ABHD8: variants seen among roughly 807,000 people sequenced by gnomAD.
The protein encoded by ABHD8 is protein ABHD8.
ABHD8 carries 10 observed loss-of-function variants against 29.3 expected under a neutral mutation model. The ratio of observed to expected loss-of-function variants is 0.34; its 90% CI spans 0.21 to 0.58. ABHD8 has a LOEUF of 0.58. Among genes scored for constraint, ABHD8 ranks in the 20% least tolerant of loss-of-function variants. The probability of loss-of-function intolerance (pLI) is 0.85; values close to 1 mark genes in which losing one functional copy is unlikely to be tolerated. For missense variants in ABHD8, 556 were observed against 615.3 expected (o/e 0.90, Z 1.02); for synonymous variants, 282 against 274.6 (o/e 1.03, Z -0.27).
chr19:17,292,471 A>C lies in ABHD8; in HGVS notation c.*190T>G. 1.6e-6 allele frequency: 1 copy of C among 637,430 alleles called. No individual in the cohort carries two copies. Among genetic ancestry groups the C allele is most frequent in the Non-Finnish European group, 2.5e-6 (1 of 405,320 alleles). 39.5% of individuals were successfully genotyped at this position (637,430 alleles called of 1,614,324 possible). A position where few individuals can be genotyped will look rare whatever the true frequency, so the allele number is the denominator to read the frequency against. On this transcript the variant is annotated 3_prime_UTR_variant, in exon 5 of 5. Transcript: ENST00000247706. ...TGGGCCCCGCGGGACGGAAGCGGAG[A>C]GCGGAATGTCCGCTGGGCTCCCTCG...
rs1487399795 is a variant in ABHD8, at chr19:17,300,851, C to T, written c.761+5G>A. 6 of 1,580,400 alleles carry T rather than the reference C, an allele frequency of 3.8e-6. No individual in the cohort carries two copies. In the Admixed American group the frequency reaches 7.0e-5, roughly 18 times the overall value. On this transcript the variant is annotated splice_donor_5th_base_variant and intron_variant, in intron 2 of 4. Transcript: ENST00000247706. ...CCCCCACCCCACATGCCAGGGTTCA[C>T]TTACCCGTAGGAATGGCCAATGAGC...
rs1226853346 is a variant in ABHD8 at position 17,301,636 on chromosome 19, G to C, written c.-8-12C>G. 5.3e-6 allele frequency: 8 copies of C among 1,521,864 alleles called. No homozygotes were observed. In the African/African-American group the frequency reaches 1.1e-4, roughly 21 times the overall value. The allele number at this position is 1,521,864 out of a possible 1,614,324, so 94.3% of individuals were successfully genotyped here. The stretch of plus-strand genomic sequence containing the variant: ...CAGCATGGTGTGTCCTGTGAGTGAG[G>C]ACAGCAGCCAGTTCAGGTGCTGTCT... On this transcript the variant is annotated splice_polypyrimidine_tract_variant and intron_variant, in intron 1 of 4. Transcript: ENST00000247706.
chr19:17,292,941 C>T, intron 4 of ABHD8, 110 bp from the exon 5 acceptor site: 2 of 1,237,718 alleles, frequency 1.6e-6, no homozygotes, highest in Admixed American at 2.6e-5. Context: ...AAAAGTCCCT[C>T]CTCCCATCTA....
intron 2 of ABHD8, among the ~76,000 whole-genome samples, chr19:17,300,192 C>A (rs557436058): frequency 3.3e-5 from 5 of 152,028 alleles, no homozygotes; most frequent in Non-Finnish European, 7.4e-5. Flanking sequence ...GCGTGAGCCA[C>A]CGCGCCCGGA....
chr19:17,294,839 A>G lies in ABHD8; in HGVS notation c.768T>C (p.Ser256=). ...ACTCATGTGCCAGGAATGTGCAGAA[A>G]GAGACACTGCCCGGAACGGGTGGGG... ...NVLIGHSYGV[S]FCTFLAHEYP... The change falls in exon 3 of 5, where the codon TCT becomes TCC. Residue 256 remains serine, a synonymous_variant. Coordinates refer to ENST00000247706, the MANE Select transcript of ABHD8 (RefSeq NM_024527.5). 1 of 1,613,898 alleles carries G rather than the reference A, an allele frequency of 6.2e-7. No individual in the cohort carries two copies. The highest frequency in any genetic ancestry group is 1.1e-5 in the South Asian group (1 of 91,080).
At chr19:17,294,532 C>T (rs1447342872) in intron 3 of ABHD8, 28 bp from the exon 4 acceptor site, 1 of 1,612,926 alleles carries the variant, frequency 6.2e-7, no homozygotes, top group Non-Finnish European at 8.5e-7. Flanking sequence ...ACCGCTAGAG[C>T]CCCTTATGCC....
At chr19:17,294,234 C>T (rs890653118) in intron 4 of ABHD8, 54 bp downstream of exon 4, 2 of 1,568,534 alleles carry the variant, frequency 1.3e-6, no homozygotes, top group African/African-American at 2.7e-5. Context: ...CACGCCCCTC[C>T]CGGGCAGCAC....
chr19:17,297,526 C>T (rs1332402901), intron 2 of ABHD8, among the ~76,000 whole-genome samples: 1 of 152,048 alleles, frequency 6.6e-6, no homozygotes, highest in Non-Finnish European at 1.5e-5. Flanking sequence ...GAACTCCTGA[C>T]CTTGTGATCC....
chr19:17,303,014 G>A (rs1049264423), intron 1 of ABHD8: 1 of 152,156 alleles, frequency 6.6e-6, no homozygotes. Context: ...ACCTCGAGTG[G>A]GGCCCTAATC....
intron 4 of ABHD8, among the ~76,000 whole-genome samples, chr19:17,293,719 G>T (rs2074081135): frequency 6.7e-6 from 1 of 150,042 alleles, no homozygotes; most frequent in Non-Finnish European, 1.5e-5. Context: ...TAAGAAACGG[G>T]GTCTTGCTCT....
At chr19:17,295,090 A>ACTT (rs2074087872) in intron 2 of ABHD8, among the ~76,000 whole-genome samples, 2 of 80,412 alleles carry the variant, frequency 2.5e-5, no homozygotes, top group Admixed American at 3.5e-4. Context: ...CACCCAGGTA[A>ACTT]TTTTTTTTTT....
In ABHD8 at chr19:17,295,140, C is replaced by T. The variant is rs1599522652; in HGVS notation, c.762-295G>A. ...TTGAGACGGAGTCTCGCTCTGTCGC[C>T]CAGGCCGGACTGCGGACTGCAGTGG... On this transcript the variant is annotated intron_variant, in intron 2 of 4. Coordinates refer to ENST00000247706, the MANE Select transcript of ABHD8 (RefSeq NM_024527.5). 3.7e-5 allele frequency among the ~76,000 whole-genome samples: 5 copies of T among 136,616 alleles called. 1 individual carries two copies. In the Admixed American group the frequency reaches 3.9e-4, roughly 11 times the overall value. The allele number at this position is 136,616 out of a possible 152,430, so 89.6% of individuals were successfully genotyped here.
Position 17,292,479 on chromosome 19 carries a change from G to T in ABHD8, c.*182C>A. 1.5e-6 allele frequency: 1 copy of T among 681,566 alleles called. No individual in the cohort carries two copies. Among genetic ancestry groups the T allele is most frequent in the Non-Finnish European group, 2.3e-6 (1 of 443,820 alleles). The allele number at this position is 681,566 out of a possible 1,614,324, so 42.2% of individuals were successfully genotyped here. ...GCGGGACGGAAGCGGAGAGCGGAATGTCCGCTGGGCTCCCTCGGATGCCAC... is the reference window on the plus strand; with the variant it reads ...GCGGGACGGAAGCGGAGAGCGGAATTTCCGCTGGGCTCCCTCGGATGCCAC... On this transcript the variant is annotated 3_prime_UTR_variant, in exon 5 of 5. Coordinates refer to ENST00000247706, the MANE Select transcript of ABHD8 (RefSeq NM_024527.5).
Position 17,292,519 on chromosome 19 carries a change from G to T in ABHD8, c.*142C>A. On this transcript the variant is annotated 3_prime_UTR_variant, in exon 5 of 5. Transcript: ENST00000247706. ...TCGGATGCCACGCCCCGCCCAGGCAGCCTGGGGGCGTCTCCCTGACCTGGC... is the reference window on the plus strand; with the variant it reads ...TCGGATGCCACGCCCCGCCCAGGCATCCTGGGGGCGTCTCCCTGACCTGGC... The T allele has an allele frequency of 9.9e-7, 1 of 1,007,202 alleles. No individual in the cohort carries two copies. Among genetic ancestry groups the T allele is most frequent in the Non-Finnish European group, 1.4e-6 (1 of 730,816 alleles). The allele number at this position is 1,007,202 out of a possible 1,614,324, so 62.4% of individuals were successfully genotyped here.
At chr19:17,292,985 C>A (rs976938996) in intron 4 of ABHD8, 154 bp from the exon 5 acceptor site, 5 of 839,620 alleles carry the variant, frequency 6.0e-6, no homozygotes, top group Non-Finnish European at 8.7e-6. Flanking sequence ...CAAGGGGGAG[C>A]TGGAGGATGG....
intron 1 of ABHD8, among the ~76,000 whole-genome samples, chr19:17,302,390 C>G (rs1449722164): frequency 1.3e-5 from 2 of 151,894 alleles, no homozygotes; most frequent in African/African-American, 4.8e-5. Context: ...CAGGTATACA[C>G]TAACTCACTA....
Position 17,299,234 on chromosome 19 carries a change from AC to A in ABHD8, c.761+1621del, listed in dbSNP as rs34604672. 4.5e-4 allele frequency among the ~76,000 whole-genome samples: 58 copies of A among 128,892 alleles called. 2 individuals carry two copies. Among genetic ancestry groups the A allele is most frequent in the East Asian group, 2.8e-3 (12 of 4,356 alleles). The allele number at this position is 128,892 out of a possible 152,430, so 84.6% of individuals were successfully genotyped here. On this transcript the variant is annotated intron_variant, in intron 2 of 4. Coordinates refer to ENST00000247706, the MANE Select transcript of ABHD8 (RefSeq NM_024527.5). ...AGACCAGCCTGGGCAACATAATGAG[AC>A]CCCCCCCCCATTCTCTATATAATTT... is the stretch of plus-strand genomic sequence containing the variant.
Position 17,301,620 on chromosome 19 carries a change from G to GT in ABHD8, c.-5dup. On this transcript the variant is annotated 5_prime_UTR_variant, in exon 2 of 5. Transcript: ENST00000247706. ...CGTCGGTCACCCCGGTCAGCATGGT[G>GT]TGTCCTGTGAGTGAGGACAGCAGCC... 1 of 1,539,986 alleles carries GT rather than the reference G, an allele frequency of 6.5e-7. No individual in the cohort carries two copies.
intron 4 of ABHD8, among the ~76,000 whole-genome samples, chr19:17,293,354 C>T (rs1872854582): frequency 6.6e-6 from 1 of 151,936 alleles, no homozygotes; most frequent in Admixed American, 6.6e-5. Context: ...GCCTCGGTCT[C>T]CCAAAGTGCT....
Sources: gnomAD v4.1 joint callset for allele counts (sites outside exome capture counted in the v4.1 genomes callset) on GRCh38, gnomAD v4.1.1 for gene constraint, MANE v1.5 for transcripts, NCBI Gene and HGNC (gene_info 2026-07-23, HGNC 2026-07-21) for gene names.